ZNF609: variants seen among roughly 807,000 people sequenced by gnomAD.
ZNF609 encodes zinc finger protein 609.
A neutral mutation model predicts 109.5 loss-of-function variants in ZNF609; 11 were observed. The ratio of observed to expected loss-of-function variants is 0.10; its 90% CI spans 0.06 to 0.17. ZNF609 has a LOEUF of 0.17. ZNF609 is among the 10% of genes least tolerant of loss of function. The pLI, the probability that ZNF609 is intolerant of heterozygous loss-of-function variation, is 1.00. For missense variants in ZNF609, 1,559 were observed against 1,772.4 expected, an observed-to-expected ratio of 0.88 and a Z score of 2.16; for synonymous variants, 646 against 662.0, an observed-to-expected ratio of 0.98 and a Z score of 0.37.
intron 2 of ZNF609, among the ~76,000 whole-genome samples, chr15:64,611,270 C>A (rs781618809): frequency 3.3e-5 from 5 of 152,140 alleles, no homozygotes; most frequent in Non-Finnish European, 5.9e-5. Flanking sequence ...GGGTCTCTAT[C>A]ATCACTCATC....
chr15:64,674,696 A>G lies in ZNF609; in HGVS notation c.1842A>G (p.Ser614=). 6.2e-7 allele frequency: 1 copy of G among 1,614,186 alleles called. No individual in the cohort carries two copies. The highest frequency in any genetic ancestry group is 8.5e-7 in the Non-Finnish European group (1 of 1,180,044). ...ATGATGGCTCTGATGATGGACCCTC[A>G]GTGATGGATGAAACAAGCAATGATG... ...LSNDGSDDGP[S]VMDETSNDAF... The change falls in exon 5 of 10, where the codon TCA becomes TCG. Residue 614 remains serine, a synonymous_variant. Coordinates refer to ENST00000326648, the MANE Select transcript of ZNF609 (RefSeq NM_015042.2).
intron 3 of ZNF609, among the ~76,000 whole-genome samples, chr15:64,660,800 G>A (rs1160232417): frequency 2.0e-5 from 3 of 152,078 alleles, no homozygotes; most frequent in Non-Finnish European, 4.4e-5. Flanking sequence ...CACAGAGCTC[G>A]CTGTCTCACC....
At chr15:64,506,348 C>G (rs1893637189) in intron 2 of ZNF609, among the ~76,000 whole-genome samples, 1 of 150,946 alleles carries the variant, frequency 6.6e-6, no homozygotes, top group South Asian at 2.1e-4. Context: ...GTGTCGAGCT[C>G]CTGGGCTCAA....
chr15:64,493,186 CG>C (rs1287369437), intron 1 of ZNF609, among the ~76,000 whole-genome samples: 1 of 151,896 alleles, frequency 6.6e-6, no homozygotes, highest in Non-Finnish European at 1.5e-5. Context: ...AGAGATCTCT[CG>C]GGGGTGAAAG....
At chr15:64,633,532 G>A (rs765153278) in intron 3 of ZNF609, among the ~76,000 whole-genome samples, 12 of 151,916 alleles carry the variant, frequency 7.9e-5, no homozygotes, top group South Asian at 2.1e-4. Context: ...CTCCTGCCTC[G>A]GCCTCCCAAG....
chr15:64,461,679 G>C (rs138652431), intron 1 of ZNF609, among the ~76,000 whole-genome samples: 96 of 152,250 alleles, frequency 6.3e-4, no homozygotes, highest in Non-Finnish European at 1.3e-3. Context: ...CCTTCAGGGG[G>C]AATATTTCTG....
intron 3 of ZNF609, among the ~76,000 whole-genome samples, chr15:64,648,637 A>G (rs1032299325): frequency 5.9e-5 from 9 of 152,006 alleles, no homozygotes; most frequent in African/African-American, 2.2e-4. Flanking sequence ...GAATGATTAT[A>G]CATTGGAGGT....
intron 3 of ZNF609, among the ~76,000 whole-genome samples, chr15:64,663,758 A>G (rs1896610873): frequency 1.3e-5 from 2 of 152,324 alleles, no homozygotes; most frequent in Non-Finnish European, 1.5e-5. Flanking sequence ...GAGAGAAAGT[A>G]TGTACTAATG....
intron 3 of ZNF609, among the ~76,000 whole-genome samples, chr15:64,655,299 C>T (rs1391945074): frequency 2.7e-5 from 4 of 149,108 alleles, no homozygotes; most frequent in African/African-American, 7.4e-5. Context: ...CAAAATTAGC[C>T]GGCATGGTGG....
chr15:64,681,520 T>C, intron 9 of ZNF609, 133 bp downstream of exon 9: 1 of 740,216 alleles, frequency 1.4e-6, no homozygotes, highest in Non-Finnish European at 2.3e-6. Context: ...GCCAAGCCTC[T>C]TGTACAAGAG....
chr15:64,550,533 A>G (rs1300094019), intron 2 of ZNF609, among the ~76,000 whole-genome samples: 1 of 152,010 alleles, frequency 6.6e-6, no homozygotes, highest in African/African-American at 2.4e-5. Flanking sequence ...GTTTTTAAAA[A>G]TAAATAATTA....
At chr15:64,577,583 GTATATATACACATATAAATATATACA>G (rs1895017290) in intron 2 of ZNF609, among the ~76,000 whole-genome samples, 1 of 5,660 alleles carries the variant, frequency 1.8e-4, no homozygotes, top group Non-Finnish European at 6.1e-4. Context: ...ATATATATGT[GTATATATACACATATAAATATATACA>G]TATATATGTG....
At chr15:64,537,515 A>AC (rs1232651749) in intron 2 of ZNF609, among the ~76,000 whole-genome samples, 1 of 151,540 alleles carries the variant, frequency 6.6e-6, no homozygotes, top group Non-Finnish European at 1.5e-5. Context: ...AAAAAAAAAA[A>AC]GAAAAAGAAA....
chr15:64,484,241 T>G (rs570998225), intron 1 of ZNF609, among the ~76,000 whole-genome samples: 44 of 152,304 alleles, frequency 2.9e-4, no homozygotes, highest in African/African-American at 1.1e-3. Context: ...TTGTTGAGAT[T>G]ATGCTTCAGG....
At chr15:64,536,942 G>A (rs942588080) in intron 2 of ZNF609, among the ~76,000 whole-genome samples, 11 of 129,878 alleles carry the variant, frequency 8.5e-5, no homozygotes, top group Non-Finnish European at 1.8e-4. Flanking sequence ...AAAAAAAAAG[G>A]CCGGGCACGG....
Position 64,674,019 on chromosome 15 carries a change from G to A in ZNF609, c.1165G>A (p.Ala389Thr). ...SNTPVNETAT[A>T]SDSKGTSNSS... Reference sequence around the variant, plus strand: ...TACACCTGTCAATGAGACAGCCACAGCCTCTGACAGCAAAGGGACCAGTAA... The same window carrying A: ...TACACCTGTCAATGAGACAGCCACAACCTCTGACAGCAAAGGGACCAGTAA... Residue 389 changes from alanine (A) to threonine (T), a missense_variant, in exon 5 of 10, where the codon GCC (alanine) becomes ACC (threonine). This residue lies in a region of ZNF609 where 1,204 missense variants were observed against 1,314.1 expected (regional missense o/e 0.92). Transcript: ENST00000326648. The A allele has an allele frequency of 6.2e-7, 1 of 1,614,184 alleles. No individual in the cohort carries two copies. Among genetic ancestry groups the A allele is most frequent in the Non-Finnish European group, 8.5e-7 (1 of 1,180,046 alleles).
intron 2 of ZNF609, among the ~76,000 whole-genome samples, chr15:64,579,649 G>T (rs1257682874): frequency 6.6e-6 from 1 of 151,678 alleles, no homozygotes; most frequent in Non-Finnish European, 1.5e-5. Context: ...GGCAGAGGTC[G>T]CAGTGAGCTG....
chr15:64,667,569 C>T (rs987655618), intron 3 of ZNF609, among the ~76,000 whole-genome samples: 3 of 151,810 alleles, frequency 2.0e-5, no homozygotes, highest in East Asian at 1.9e-4. Flanking sequence ...AAAATTAGCC[C>T]GGGCATGGTG....
chr15:64,563,266 A>G (rs978391940), intron 2 of ZNF609, among the ~76,000 whole-genome samples: 1 of 152,006 alleles, frequency 6.6e-6, no homozygotes, highest in Non-Finnish European at 1.5e-5. Flanking sequence ...CCTGGGGAAC[A>G]TGGTAAAATC....
Sources: gnomAD v4.1 joint callset for allele counts (sites outside exome capture counted in the v4.1 genomes callset) on GRCh38, gnomAD v4.1.1 for gene constraint, gnomAD v4.1.1 regional missense constraint, MANE v1.5 for transcripts, NCBI Gene and HGNC (gene_info 2026-07-23, HGNC 2026-07-21) for gene names.